Variants in AGAP3 observed in about 807,000 individuals in gnomAD.
The protein encoded by AGAP3 is ArfGAP with GTPase domain, ankyrin repeat and PH domain 3.
A neutral mutation model predicts 96.9 loss-of-function variants in AGAP3; 24 were observed. That is an observed-to-expected ratio of 0.25 (90% CI 0.18 to 0.35). The LOEUF is 0.35. AGAP3 is among the 10% of genes least tolerant of loss of function. The pLI is 1.00. For missense variants in AGAP3, 876 were observed against 1,254.2 expected (o/e 0.70, Z 4.55); for synonymous variants, 563 against 536.1 (o/e 1.05, Z -0.69).
At chr7:151,117,271 C>T in intron 3 of AGAP3, 89 bp downstream of exon 3, 1 of 1,589,304 alleles carries the variant, frequency 6.3e-7, no homozygotes, top group East Asian at 2.2e-5. Flanking sequence ...CTCCAGCCCC[C>T]TTCCAGTCCT....
At position 151,109,069 on chromosome 7, in the gene AGAP3, T is replaced by C. The variant is rs145741097; in HGVS notation, c.332-7724T>C. On this transcript the variant is annotated intron_variant, in intron 1 of 17. Coordinates refer to ENST00000397238, the MANE Select transcript of AGAP3 (RefSeq NM_031946.7). ...CTAGCTGGCTGCGGTGGCCCATGCC[T>C]GTAATCCCAGCACTTTGGAAGGTCA... Among the ~76,000 whole-genome samples, 669 of 151,764 alleles carry C rather than the reference T, an allele frequency of 4.4e-3. 2 individuals are homozygous for C. Among genetic ancestry groups the C allele is most frequent in the African/African-American group, 0.015 (640 of 41,414 alleles).
intron 1 of AGAP3, among the ~76,000 whole-genome samples, chr7:151,099,936 G>A (rs542113098): frequency 2.6e-5 from 4 of 152,222 alleles, no homozygotes; most frequent in East Asian, 1.9e-4. Context: ...CTGTCTCTCC[G>A]CCCACTTCCT....
chr7:151,139,676 C>T lies in AGAP3; in HGVS notation c.1667-303C>T, dbSNP rs773479201. The stretch of plus-strand genomic sequence containing the variant: ...GCGGAGCTGCTGGGGCTTCAGCTCC[C>T]CGTGAGTTCCCTGGGCTGCCTTCCA... On this transcript the variant is annotated intron_variant, in intron 12 of 17. Transcript: ENST00000397238. This position sits in a 1 kb window ranked among gnomAD's most constrained non-coding sequence, Gnocchi z 4.9. The T allele has an allele frequency of 3.8e-6, 1 of 260,624 alleles. No individual in the cohort carries two copies. Among genetic ancestry groups the T allele is most frequent in the Non-Finnish European group, 7.2e-6 (1 of 138,522 alleles). 16.1% of individuals were successfully genotyped at this position (260,624 alleles called of 1,614,324 possible). A position where few individuals can be genotyped will look rare whatever the true frequency, so the allele number is the denominator to read the frequency against.
chr7:151,099,331 A>G (rs1246199720), intron 1 of AGAP3, among the ~76,000 whole-genome samples: 2 of 127,048 alleles, frequency 1.6e-5, no homozygotes, highest in Non-Finnish European at 3.3e-5. Flanking sequence ...CGACAGAGTG[A>G]GACTCCATCT....
intron 1 of AGAP3, chr7:151,115,413 C>G: frequency 9.9e-7 from 1 of 1,009,356 alleles, no homozygotes; most frequent in Non-Finnish European, 1.2e-6. Flanking sequence ...GCCGCGCGCG[C>G]GCACCCGTAG....
intron 8 of AGAP3, among the ~76,000 whole-genome samples, chr7:151,121,935 C>G (rs1799916228): frequency 6.6e-6 from 1 of 152,254 alleles, no homozygotes; most frequent in South Asian, 2.1e-4. Flanking sequence ...CCTGCCTGCT[C>G]TGTGGCTAGT....
chr7:151,128,253 T>G (rs1212755126), intron 9 of AGAP3: 4 of 306,962 alleles, frequency 1.3e-5, no homozygotes, highest in Non-Finnish European at 1.9e-5. Context: ...TGTCTACACC[T>G]CCGATCATCT....
chr7:151,123,460 CCGACCAGCAG>C (rs1800014149), intron 8 of AGAP3: 1 of 1,163,912 alleles, frequency 8.6e-7, no homozygotes. Flanking sequence ...CCCTGTGCTC[CCGACCAGCAG>C]CCCCACCGTC....
chr7:151,103,491 G>A (rs74869691), intron 1 of AGAP3, among the ~76,000 whole-genome samples: 1,596 of 151,548 alleles, frequency 0.011, 24 homozygotes, highest in African/African-American at 0.037. Context: ...ATTTAAAAAT[G>A]TGATCATTAT....
intron 1 of AGAP3, among the ~76,000 whole-genome samples, chr7:151,098,946 G>C (rs1479841071): frequency 6.6e-6 from 1 of 151,684 alleles, no homozygotes; most frequent in African/African-American, 2.4e-5. Context: ...ATGTTGGCCA[G>C]ACTGGTCTCG....
chr7:151,123,493 C>G, intron 8 of AGAP3: 1 of 1,213,080 alleles, frequency 8.2e-7, no homozygotes, highest in Non-Finnish European at 1.0e-6. Flanking sequence ...CCTCCTCGCC[C>G]CCGCTTCTCT....
In AGAP3 at chr7:151,122,433, G is replaced by A. The variant is rs539672305; in HGVS notation, c.1129-1361G>A. On this transcript the variant is annotated intron_variant, in intron 8 of 17. Coordinates refer to ENST00000397238, the MANE Select transcript of AGAP3 (RefSeq NM_031946.7). ...CGGGAGGGATGGGGCCTGGGCTGCC[G>A]AGTGGCGAACATACCATTCCGTGCT... 3.9e-5 allele frequency among the ~76,000 whole-genome samples: 6 copies of A among 152,248 alleles called. No homozygotes were observed. The South Asian group carries it at 8.3e-4, about 21-fold the overall frequency.
chr7:151,138,118 C>T (rs1014242316), intron 11 of AGAP3, 25 bp from the exon 12 acceptor site: 6 of 1,556,714 alleles, frequency 3.9e-6, no homozygotes, highest in African/African-American at 2.7e-5. Context: ...GCCTCCCTTC[C>T]CAGTCTGACC....
chr7:151,104,215 TGTAA>T (rs1798948135), intron 1 of AGAP3, among the ~76,000 whole-genome samples: 1 of 152,238 alleles, frequency 6.6e-6, no homozygotes, highest in African/African-American at 2.4e-5. Context: ...ACAATCTTTC[TGTAA>T]GTATTAGCCA....
At chr7:151,131,619 C>T (rs769236219) in intron 10 of AGAP3, among the ~76,000 whole-genome samples, 1 of 152,214 alleles carries the variant, frequency 6.6e-6, no homozygotes, top group Non-Finnish European at 1.5e-5. Flanking sequence ...CAGGGTTGCC[C>T]GGGCACGAGG....
At position 151,142,400 on chromosome 7, in the gene AGAP3, C is replaced by G. The variant is rs542985172; in HGVS notation, c.2051-12C>G. 19 of 1,611,952 alleles carry G rather than the reference C, an allele frequency of 1.2e-5. No individual in the cohort carries two copies. The East Asian group carries it at 3.1e-4, about 27-fold the overall frequency. On this transcript the variant is annotated splice_polypyrimidine_tract_variant and intron_variant, in intron 15 of 17. Transcript: ENST00000397238. This position sits in a 1 kb window ranked among gnomAD's most constrained non-coding sequence, Gnocchi z 7.5. ...CCTGCTGTCGCTGTATCATTCTCCTCTCCTTGCCTAGATCCAGACTGGGCC... is the reference window on the plus strand; with the variant it reads ...CCTGCTGTCGCTGTATCATTCTCCTGTCCTTGCCTAGATCCAGACTGGGCC...
chr7:151,112,438 C>T, intron 1 of AGAP3, among the ~76,000 whole-genome samples: 1 of 125,604 alleles, frequency 8.0e-6, no homozygotes, highest in Non-Finnish European at 1.7e-5. Flanking sequence ...TGTGTGTGTC[C>T]AGCATGTGTG....
intron 10 of AGAP3, among the ~76,000 whole-genome samples, chr7:151,130,148 C>T (rs141098232): frequency 1.7e-4 from 26 of 152,344 alleles, no homozygotes; most frequent in Admixed American, 1.5e-3. Context: ...AGCTGCCCTT[C>T]CCCTTCCCCC....
At chr7:151,134,036 G>A (rs755280208) in intron 10 of AGAP3, among the ~76,000 whole-genome samples, 3 of 152,110 alleles carry the variant, frequency 2.0e-5, no homozygotes, top group Admixed American at 6.6e-5. Context: ...GAGTGTCTCC[G>A]CTCCCCTCCT....
Sources: allele counts gnomAD v4.1 joint callset (sites outside exome capture counted in the v4.1 genomes callset), GRCh38; gene constraint gnomAD v4.1.1; non-coding constraint Gnocchi (gnomAD v3.1); transcripts MANE v1.5; gene names NCBI Gene and HGNC (gene_info 2026-07-23, HGNC 2026-07-21).